AGRN: variants seen among roughly 807,000 people sequenced by gnomAD.
AGRN encodes the protein agrin, also known as agrin proteoglycan.
AGRN carries 106 observed loss-of-function variants against 211.0 expected under a neutral mutation model. That is an observed-to-expected ratio of 0.50 (90% CI 0.43 to 0.59). The LOEUF (loss-of-function observed/expected upper bound fraction) is 0.59. AGRN is among the 20% of genes least tolerant of loss of function. The pLI is 0.00. For synonymous variants in AGRN, 1,525 were observed against 1,332.5 expected (o/e 1.14, Z -3.15); for missense variants, 3,040 against 2,982.6 (o/e 1.02, Z -0.45).
intron 2 of AGRN, among the ~76,000 whole-genome samples, chr1:1,027,630 G>A (rs1178592380): frequency 6.6e-6 from 1 of 152,216 alleles, no homozygotes; most frequent in East Asian, 1.9e-4. Flanking sequence ...GGCATGCTGG[G>A]TCCCTTGGGG....
At position 1,045,177 on chromosome 1, in the gene AGRN, G is replaced by C. The variant is rs150123719; in HGVS notation, c.2271G>C (p.Pro757=). Reference sequence around the variant, plus strand: ...TTCCTGCAGGCCCCACCTTCGCCCCGCTGCCGCCTGTGGCCCCCTTACACT... The same window carrying C: ...TTCCTGCAGGCCCCACCTTCGCCCCCCTGCCGCCTGTGGCCCCCTTACACT... The part of the protein sequence containing the change: ...QGACRGPTFA[P]LPPVAPLHCA... The change falls in exon 13 of 36, where the codon CCG becomes CCC. Residue 757 remains proline, a synonymous_variant. Coordinates refer to ENST00000379370, the MANE Select transcript of AGRN (RefSeq NM_198576.4). 1 of 1,612,380 alleles carries C rather than the reference G, an allele frequency of 6.2e-7. No homozygotes were observed. Among genetic ancestry groups the C allele is most frequent in the Non-Finnish European group, 8.5e-7 (1 of 1,179,938 alleles).
chr1:1,048,419 A>T lies in AGRN; in HGVS notation c.4105+54A>T. 5.5e-5 allele frequency: 41 copies of T among 749,066 alleles called. No individual in the cohort carries two copies. Among genetic ancestry groups the T allele is most frequent in the Non-Finnish European group, 7.6e-5 (36 of 472,058 alleles). The allele number at this position is 749,066 out of a possible 1,614,324, so 46.4% of individuals were successfully genotyped here. ...GGGAGGCAGCAGGGTGGGGGCAAGGATTGGGGGTGGGGCTAAGCCACCATC... is the reference window on the plus strand; with the variant it reads ...GGGAGGCAGCAGGGTGGGGGCAAGGTTTGGGGGTGGGGCTAAGCCACCATC... On this transcript the variant is annotated intron_variant, in intron 23 of 35. Transcript: ENST00000379370. The surrounding 1 kb of genome is among the most constrained non-coding windows in gnomAD (Gnocchi z 5.9).
intron 2 of AGRN, among the ~76,000 whole-genome samples, chr1:1,023,549 A>T (rs1348246522): frequency 6.6e-6 from 1 of 152,110 alleles, no homozygotes; most frequent in East Asian, 1.9e-4. Flanking sequence ...AGATGGGGGC[A>T]TCGTGGACTC....
chr1:1,027,800 G>A (rs1195841132), intron 2 of AGRN, among the ~76,000 whole-genome samples: 2 of 152,174 alleles, frequency 1.3e-5, no homozygotes, highest in African/African-American at 4.8e-5. Context: ...TGGGAGCGGG[G>A]GTCTGTCGCT....
At chr1:1,039,056 C>T (rs1259910917) in intron 3 of AGRN, among the ~76,000 whole-genome samples, 1 of 152,234 alleles carries the variant, frequency 6.6e-6, no homozygotes, top group Admixed American at 6.5e-5. Flanking sequence ...ACCCCACAAT[C>T]CTGGGAGGTA....
At chr1:1,030,004 A>C (rs1425116884) in intron 2 of AGRN, among the ~76,000 whole-genome samples, 2 of 75,172 alleles carry the variant, frequency 2.7e-5, no homozygotes, top group Non-Finnish European at 2.4e-5. Flanking sequence ...TGTGCAGTGC[A>C]TGGTGCTGTG....
Position 1,022,336 on chromosome 1 carries a change from A to G in AGRN, c.337A>G (p.Arg113Gly), listed in dbSNP as rs1644424442. The part of the protein sequence containing the change: ...CDNQVSTGDT[R>G]IFFVNPAPPY... Reference sequence around the variant, plus strand: ...CAACCAGGTGTCCACTGGGGACACCAGGATCTTCTTTGTGAACCCTGCACC... The same window carrying G: ...CAACCAGGTGTCCACTGGGGACACCGGGATCTTCTTTGTGAACCCTGCACC... The change falls in exon 2 of 36, where the codon AGG (arginine) becomes GGG (glycine). Residue 113 changes from arginine (R) to glycine (G), a missense_variant. Physicochemically the swap from Arg to Gly is moderately radical, Grantham distance 125 (BLOSUM62 -2). This residue lies in a region of AGRN where 1,498 missense variants were observed against 1,457.8 expected (regional missense o/e 1.03). Transcript: ENST00000379370. The G allele has an allele frequency of 2.5e-6, 4 of 1,613,268 alleles. No homozygotes were observed. The highest frequency in any genetic ancestry group is 3.4e-6 in the Non-Finnish European group (4 of 1,180,016).
At chr1:1,023,794 C>T (rs1644461714) in intron 2 of AGRN, among the ~76,000 whole-genome samples, 1 of 152,176 alleles carries the variant, frequency 6.6e-6, no homozygotes. Flanking sequence ...CTACGGGTGC[C>T]AGGCACTGGC....
At chr1:1,036,328 C>T (rs1477995661) in intron 3 of AGRN, among the ~76,000 whole-genome samples, 2 of 152,090 alleles carry the variant, frequency 1.3e-5, no homozygotes, top group Non-Finnish European at 2.9e-5. Context: ...GAGGTGGGGG[C>T]AGCTTGGGAT....
intron 7 of AGRN, 133 bp from the exon 8 acceptor site, chr1:1,043,106 C>G (rs1014101886): frequency 1.3e-5 from 13 of 986,060 alleles, no homozygotes; most frequent in Non-Finnish European, 4.6e-6. Context: ...TGCTGTGCAT[C>G]TGGCCCTTCT....
At position 1,048,072 on chromosome 1, in the gene AGRN, C is replaced by T; in HGVS notation, c.3812C>T (p.Ala1271Val). The change falls in exon 23 of 36, where the codon GCC (alanine) becomes GTC (valine). Residue 1271 changes from alanine (A) to valine (V), a missense_variant. Coordinates refer to ENST00000379370, the MANE Select transcript of AGRN (RefSeq NM_198576.4). This position sits in a 1 kb window ranked among gnomAD's most constrained non-coding sequence, Gnocchi z 5.9. ...TSGAIAAGATARATTASRLPS... is the reference protein window; with the variant it reads ...TSGAIAAGATVRATTASRLPS... Reference sequence around the variant, plus strand: ...GGAGCCATTGCTGCGGGAGCCACGGCCAGAGCCACCACTGCATCGCGCCTG... The same window carrying T: ...GGAGCCATTGCTGCGGGAGCCACGGTCAGAGCCACCACTGCATCGCGCCTG... 2 of 1,583,020 alleles carry T rather than the reference C, an allele frequency of 1.3e-6. No homozygotes were observed. Among genetic ancestry groups the T allele is most frequent in the Non-Finnish European group, 8.5e-7 (1 of 1,171,572 alleles).
chr1:1,029,313 G>C (rs1644593612), intron 2 of AGRN, among the ~76,000 whole-genome samples: 1 of 146,988 alleles, frequency 6.8e-6, no homozygotes, highest in Non-Finnish European at 1.5e-5. Context: ...GTGTATGGGT[G>C]GGGGTTGAGG....
In AGRN at chr1:1,051,596, C is replaced by G. The variant is rs775833834; in HGVS notation, c.5514C>G (p.Ala1838=). 4 of 1,606,524 alleles carry G rather than the reference C, an allele frequency of 2.5e-6. No homozygotes were observed. Among genetic ancestry groups the G allele is most frequent in the Non-Finnish European group, 3.4e-6 (4 of 1,175,832 alleles). Residue 1838 remains alanine (A), a synonymous_variant, in exon 32 of 36, where the codon GCC becomes GCG. Transcript: ENST00000379370. Reference sequence around the variant, plus strand: ...CCTCCTGCGTCCCGAGGGAGGCTGCCTATGTGTGCCTGTGTCCCGGGGGAT... The same window carrying G: ...CCTCCTGCGTCCCGAGGGAGGCTGCGTATGTGTGCCTGTGTCCCGGGGGAT... ...NGASCVPREA[A]YVCLCPGGFS... is the part of the protein sequence containing the mutation.
intron 12 of AGRN, among the ~76,000 whole-genome samples, chr1:1,044,907 GCA>G (rs1645047881): frequency 6.6e-6 from 1 of 152,190 alleles, no homozygotes; most frequent in Non-Finnish European, 1.5e-5. Context: ...GTGTGTGTGT[GCA>G]CAGAGCTGCG....
At chr1:1,042,966 C>T (rs1644985930) in intron 7 of AGRN, among the ~76,000 whole-genome samples, 1 of 152,028 alleles carries the variant, frequency 6.6e-6, no homozygotes, top group Non-Finnish European at 1.5e-5. Flanking sequence ...AAGCCTGGCC[C>T]TCCCATAGCC....
Position 1,045,225 on chromosome 1 carries a change from C to G in AGRN, c.2319C>G (p.Cys773Trp). ...ACTGTGCCCAGACGCCCTACGGCTG[C>G]TGCCAGGACAATATCACCGCAGCCC... is the stretch of plus-strand genomic sequence containing the variant. ...PLHCAQTPYG[C>W]CQDNITAARG... The change falls in exon 13 of 36, where the codon TGC (cysteine) becomes TGG (tryptophan). Residue 773 changes from cysteine to tryptophan, a missense_variant. By Grantham distance (215) the Cys-to-Trp change is radical (BLOSUM62 -2). Transcript: ENST00000379370. The G allele has an allele frequency of 3.1e-6, 5 of 1,612,510 alleles. No homozygotes were observed. Among genetic ancestry groups the G allele is most frequent in the Non-Finnish European group, 4.2e-6 (5 of 1,179,896 alleles).
Position 1,054,457 on chromosome 1 carries a change from G to A in AGRN, c.5886G>A (p.Arg1962=). ...CTCCCTGCACACCCAGGGAGCAGAG[G>A]GAAGGTTCCCTGCAGGTGGGCAATG... ...WLRVVAHREQ[R]EGSLQVGNEA... Residue 1962 remains arginine, a synonymous_variant, in exon 35 of 36, where the codon AGG becomes AGA. Transcript: ENST00000379370. The A allele has an allele frequency of 6.9e-6, 11 of 1,588,662 alleles. No individual in the cohort carries two copies. Among genetic ancestry groups the A allele is most frequent in the Non-Finnish European group, 9.4e-6 (11 of 1,167,836 alleles).
intron 33 of AGRN, chr1:1,053,289 A>G (rs1645362219): frequency 2.1e-6 from 1 of 468,004 alleles, no homozygotes; most frequent in Non-Finnish European, 3.5e-6. Context: ...TCGTGTCCGC[A>G]CAAGCATGTG....
Position 1,020,136 on chromosome 1 carries a change from C to A in AGRN, c.-37C>A. On this transcript the variant is annotated 5_prime_UTR_variant, in exon 1 of 36. Coordinates refer to ENST00000379370, the MANE Select transcript of AGRN (RefSeq NM_198576.4). ...GTCCTGTCCAGTCCCGTCCCCGGCG[C>A]GGCCCGCGCGCTCCTCCGCCGCCTC... is the stretch of plus-strand genomic sequence containing the variant. The A allele has an allele frequency of 9.0e-7, 1 of 1,114,158 alleles. No homozygotes were observed. The highest frequency in any genetic ancestry group is 1.1e-6 in the Non-Finnish European group (1 of 871,614). The allele number at this position is 1,114,158 out of a possible 1,614,324, so 69.0% of individuals were successfully genotyped here.
Sources: gnomAD v4.1 joint callset for allele counts (sites outside exome capture counted in the v4.1 genomes callset) on GRCh38, gnomAD v4.1.1 for gene constraint, gnomAD v4.1.1 regional missense constraint, Gnocchi (gnomAD v3.1) non-coding constraint, MANE v1.5 for transcripts, NCBI Gene and HGNC (gene_info 2026-07-23, HGNC 2026-07-21) for gene names.